The following MAGI2 variants were observed in gnomAD, a reference collection of about 807,000 sequenced individuals.
The protein encoded by MAGI2 is membrane-associated guanylate kinase, WW and PDZ domain-containing protein 2.
A neutral mutation model predicts 133.3 loss-of-function variants in MAGI2; 35 were observed. The ratio of observed to expected loss-of-function variants is 0.26; its 90% CI spans 0.20 to 0.35. The LOEUF is 0.35. MAGI2 is among the 10% of genes least tolerant of loss of function. The pLI, the probability that MAGI2 is intolerant of heterozygous loss-of-function variation, is 1.00. For synonymous variants in MAGI2, 729 were observed against 710.6 expected, an observed-to-expected ratio of 1.03 and a Z score of -0.41; for missense variants, 1,636 against 1,863.4, an observed-to-expected ratio of 0.88 and a Z score of 2.25.
chr7:78,510,648 T>C (rs1385850477), intron 4 of MAGI2, among the ~76,000 whole-genome samples: 1 of 152,188 alleles, frequency 6.6e-6, no homozygotes, highest in East Asian at 1.9e-4. Context: ...CTTTTCTTCC[T>C]CAATAGAGAC....
intron 6 of MAGI2, among the ~76,000 whole-genome samples, chr7:78,458,019 T>C (rs1251429871): frequency 6.6e-6 from 1 of 152,042 alleles, no homozygotes; most frequent in Admixed American, 6.6e-5. Context: ...AAGAGTAGGC[T>C]GGGCGTGGTG....
intron 9 of MAGI2, among the ~76,000 whole-genome samples, chr7:78,329,418 GAT>G (rs1020514004): frequency 1.3e-5 from 2 of 152,170 alleles, no homozygotes; most frequent in Non-Finnish European, 2.9e-5. Flanking sequence ...GAAAATGAAA[GAT>G]ATGTTTCTTG....
chr7:78,127,756 C>T (rs2150516924), intron 18 of MAGI2, among the ~76,000 whole-genome samples: 1 of 152,286 alleles, frequency 6.6e-6, no homozygotes, highest in African/African-American at 2.4e-5. Flanking sequence ...AAGCACTGAA[C>T]TATACAAACC....
chr7:78,079,956 A>C (rs1815771256), intron 20 of MAGI2, among the ~76,000 whole-genome samples: 1 of 152,238 alleles, frequency 6.6e-6, no homozygotes, highest in African/African-American at 2.4e-5. Flanking sequence ...ACATAAGACA[A>C]ATTAACCAGC....
chr7:78,585,593 G>A (rs902739063), intron 3 of MAGI2, among the ~76,000 whole-genome samples: 1 of 152,202 alleles, frequency 6.6e-6, no homozygotes, highest in African/African-American at 2.4e-5. Flanking sequence ...CAGCACCTGT[G>A]AAGGGTGGCT....
At position 78,964,987 on chromosome 7, in the gene MAGI2, A is replaced by G. The variant is rs996720072; in HGVS notation, c.418+42103T>C. The stretch of plus-strand genomic sequence containing the variant: ...AGAGATTGAACTGTCCTTTATAATT[A>G]GAATAACTTAAAAACCAGATTAGTG... On this transcript the variant is annotated intron_variant, in intron 2 of 21. Coordinates refer to ENST00000354212, the MANE Select transcript of MAGI2 (RefSeq NM_012301.4). Among the ~76,000 whole-genome samples the G allele has an allele frequency of 9.2e-5, 14 of 152,090 alleles. No homozygotes were observed. In the East Asian group the frequency reaches 2.3e-3, roughly 25 times the overall value.
chr7:79,136,239 T>C (rs1821561122), intron 1 of MAGI2, among the ~76,000 whole-genome samples: 1 of 152,208 alleles, frequency 6.6e-6, no homozygotes, highest in South Asian at 2.1e-4. Flanking sequence ...CCTATTTCCA[T>C]CCAACACTAT....
At chr7:78,773,315 A>G (rs1563487206) in intron 2 of MAGI2, among the ~76,000 whole-genome samples, 2 of 152,174 alleles carry the variant, frequency 1.3e-5, no homozygotes, top group African/African-American at 2.4e-5. Context: ...CTTACCAAAG[A>G]CAGGCCAGTC....
At chr7:78,343,641 C>A (rs1365954483) in intron 9 of MAGI2, 137 bp downstream of exon 9, 2 of 541,062 alleles carry the variant, frequency 3.7e-6, no homozygotes, top group African/African-American at 2.0e-5. Context: ...TTAGGGGAAA[C>A]ATAATTTATG....
At chr7:79,139,344 T>G (rs1821905856) in intron 1 of MAGI2, among the ~76,000 whole-genome samples, 1 of 152,166 alleles carries the variant, frequency 6.6e-6, no homozygotes, top group African/African-American at 2.4e-5. Context: ...CATGCTAAGG[T>G]CTTTTCTTCT....
At chr7:78,582,295 G>A (rs1802915653) in intron 3 of MAGI2, among the ~76,000 whole-genome samples, 1 of 152,198 alleles carries the variant, frequency 6.6e-6, no homozygotes, top group African/African-American at 2.4e-5. Context: ...CGTGGGAAGT[G>A]AAGGAGAATG....
Position 78,019,906 on chromosome 7 carries a change from G to T in MAGI2, c.3777C>A (p.Asp1259Glu), listed in dbSNP as rs1337780268. 6.2e-7 allele frequency: 1 copy of T among 1,610,724 alleles called. No homozygotes were observed. Among genetic ancestry groups the T allele is most frequent in the Non-Finnish European group, 8.5e-7 (1 of 1,178,832 alleles). ...PGLPEVGVSLDDGLAPFSPSH... is the reference protein window; with the variant it reads ...PGLPEVGVSLEDGLAPFSPSH... ...ATGGAGAGAATGGAGCGAGGCCGTC[G>T]TCCAGGGAGACGCCTACTTCCGGCA... The change falls in exon 22 of 22, where the codon GAC becomes GAA. Residue 1259 changes from aspartate to glutamate, a missense_variant. Physicochemically the swap from Asp to Glu is conservative, Grantham distance 45 (BLOSUM62 2). Transcript: ENST00000354212.
chr7:78,547,295 A>T (rs1396903690), intron 3 of MAGI2, among the ~76,000 whole-genome samples: 1 of 152,248 alleles, frequency 6.6e-6, no homozygotes, highest in African/African-American at 2.4e-5. Context: ...ATTCAGTGAG[A>T]GACAGCATTC....
chr7:78,179,357 T>C (rs1331085515), intron 13 of MAGI2, among the ~76,000 whole-genome samples: 1 of 152,224 alleles, frequency 6.6e-6, no homozygotes, highest in Non-Finnish European at 1.5e-5. Flanking sequence ...GAGAGGCTCA[T>C]TGAATGCTGG....
At chr7:78,622,857 T>C (rs967288006) in intron 3 of MAGI2, among the ~76,000 whole-genome samples, 1 of 152,024 alleles carries the variant, frequency 6.6e-6, no homozygotes, top group Non-Finnish European at 1.5e-5. Flanking sequence ...ATGGTATTGA[T>C]ACAATTGTCA....
intron 20 of MAGI2, among the ~76,000 whole-genome samples, chr7:78,125,225 C>T (rs764673222): frequency 1.9e-4 from 29 of 152,088 alleles, no homozygotes; most frequent in Non-Finnish European, 1.8e-4. Flanking sequence ...ACTCCTAATG[C>T]TTCTGTCTGC....
chr7:79,150,619 C>T (rs982656348), intron 1 of MAGI2, among the ~76,000 whole-genome samples: 5 of 151,982 alleles, frequency 3.3e-5, no homozygotes, highest in African/African-American at 9.7e-5. Context: ...GATATTTTTG[C>T]AGAATGTTGA....
chr7:79,246,657 GA>G (rs918837061), intron 1 of MAGI2, among the ~76,000 whole-genome samples: 76 of 151,772 alleles, frequency 5.0e-4, no homozygotes, highest in African/African-American at 1.7e-3. Context: ...TATAAATCTA[GA>G]AAAAAAAGCC....
intron 3 of MAGI2, among the ~76,000 whole-genome samples, chr7:78,582,072 A>G (rs1416405627): frequency 3.9e-5 from 6 of 152,164 alleles, no homozygotes; most frequent in South Asian, 2.1e-4. Context: ...GATGAGAGTG[A>G]CTTTCCTGCT....
Sources: gnomAD v4.1 joint callset for allele counts (sites outside exome capture counted in the v4.1 genomes callset) on GRCh38, gnomAD v4.1.1 for gene constraint, MANE v1.5 for transcripts, NCBI Gene and HGNC (gene_info 2026-07-23, HGNC 2026-07-21) for gene names.